The following JOSD1 variants were observed in gnomAD, a reference collection of about 807,000 sequenced individuals.
JOSD1 encodes the protein Josephin domain containing 1.
In JOSD1, 11 loss-of-function variants were observed where a neutral mutation model predicts 24.3. The observed-to-expected ratio is 0.45, with a 90% CI of 0.29 to 0.75. The LOEUF (loss-of-function observed/expected upper bound fraction) is 0.75, where lower values mean the gene tolerates loss of function less well. Ranked by LOEUF, JOSD1 falls within the 30% of genes least tolerant of loss-of-function variation. The probability of loss-of-function intolerance (pLI) is 0.11; values close to 1 mark genes in which losing one functional copy is unlikely to be tolerated. For missense variants in JOSD1, 184 were observed against 253.5 expected (o/e 0.73, Z 1.86); for synonymous variants, 106 against 93.8 (o/e 1.13, Z -0.75).
rs943157172 is a variant in JOSD1, at chr22:38,700,503, G to A, written c.-516C>T. 5.1e-6 allele frequency: 5 copies of A among 986,212 alleles called. No homozygotes were observed. The highest frequency in any genetic ancestry group is 6.0e-6 in the Non-Finnish European group (5 of 830,466). 61.1% of individuals were successfully genotyped at this position (986,212 alleles called of 1,614,324 possible). A position where few individuals can be genotyped will look rare whatever the true frequency, so the allele number is the denominator to read the frequency against. On this transcript the variant is annotated 5_prime_UTR_variant, in exon 2 of 5. Coordinates refer to ENST00000683374, the MANE Select transcript of JOSD1 (RefSeq NM_001360236.2). ...GTAGCTAGCGCGGGCCGGCAGGCGTGGGACCGCGAGCCGCGCGGGGGCCTC... is the reference window on the plus strand; with the variant it reads ...GTAGCTAGCGCGGGCCGGCAGGCGTAGGACCGCGAGCCGCGCGGGGGCCTC...
At chr22:38,700,640 C>G (rs981218245) in intron 1 of JOSD1, 22 bp from the exon 2 acceptor site, 16 of 984,230 alleles carry the variant, frequency 1.6e-5, no homozygotes, top group Non-Finnish European at 1.9e-5. Flanking sequence ...GAGACAACTC[C>G]GGTCAGCGGC....
In JOSD1 at chr22:38,700,891, G is replaced by GCGGTCCCCTCACCGCAGC. The variant is rs1448233674; in HGVS notation, c.-741_-724dup. 106 of 984,348 alleles carry GCGGTCCCCTCACCGCAGC rather than the reference G, an allele frequency of 1.1e-4. No individual in the cohort carries two copies. The highest frequency in any genetic ancestry group is 1.3e-4 in the Non-Finnish European group (104 of 829,636). 61.0% of individuals were successfully genotyped at this position (984,348 alleles called of 1,614,324 possible). The stretch of plus-strand genomic sequence containing the variant: ...GGGCCGCCGGGACTGCTCGCCGCTG[G>GCGGTCCCCTCACCGCAGC]CGGTCCCCTCACCGCAGCCGGCCGC... On this transcript the variant is annotated 5_prime_UTR_variant, in exon 1 of 5. Coordinates refer to ENST00000683374, the MANE Select transcript of JOSD1 (RefSeq NM_001360236.2).
intron 2 of JOSD1, among the ~76,000 whole-genome samples, chr22:38,699,087 T>C (rs147638489): frequency 1.3e-5 from 2 of 152,332 alleles, no homozygotes; most frequent in East Asian, 1.9e-4. Context: ...GCATTTGTTC[T>C]AAGTGGGTAA....
chr22:38,694,225 C>A (rs1377647458), intron 2 of JOSD1, among the ~76,000 whole-genome samples: 1 of 152,222 alleles, frequency 6.6e-6, no homozygotes, highest in Non-Finnish European at 1.5e-5. Context: ...CTTTTATGGG[C>A]TTTATCACTT....
chr22:38,701,055 C>G, upstream of JOSD1: 1 of 896,336 alleles, frequency 1.1e-6, no homozygotes, highest in Non-Finnish European at 1.3e-6. Context: ...TGGCGTCACG[C>G]CTGACGTAAG....
intron 2 of JOSD1, among the ~76,000 whole-genome samples, chr22:38,694,978 A>T (rs1328197559): frequency 6.6e-6 from 1 of 151,788 alleles, no homozygotes; most frequent in Non-Finnish European, 1.5e-5. Flanking sequence ...GTGTCTGACT[A>T]TGGTGATGAT....
At chr22:38,691,555 A>C (rs1444709416) in intron 2 of JOSD1, among the ~76,000 whole-genome samples, 2 of 152,152 alleles carry the variant, frequency 1.3e-5, no homozygotes, top group Admixed American at 1.3e-4. Flanking sequence ...TTCCCTAAAA[A>C]CAAAGCTCTT....
Position 38,700,059 on chromosome 22 carries a change from C to G in JOSD1, c.-72G>C, listed in dbSNP as rs1219843389. ...CCCTCTAGAGGAAGAATGTAAGCTT[C>G]TCAGTCTTTTCCGGATTCCTGAGGT... On this transcript the variant is annotated 5_prime_UTR_variant, in exon 2 of 5. Transcript: ENST00000683374. 1 of 1,508,924 alleles carries G rather than the reference C, an allele frequency of 6.6e-7. No individual in the cohort carries two copies. Among genetic ancestry groups the G allele is most frequent in the Non-Finnish European group, 8.8e-7 (1 of 1,131,950 alleles). 93.5% of individuals were successfully genotyped at this position (1,508,924 alleles called of 1,614,324 possible). A position where few individuals can be genotyped will look rare whatever the true frequency, so the allele number is the denominator to read the frequency against.
rs989011267 is a variant in JOSD1, at chr22:38,686,793, A to G, written c.*1109T>C. Reference sequence around the variant, plus strand: ...CCCAACGCTGCCCCAAATTAGTGGAATTTGATGTCAAAAGCAGACTTTTTT... The same window carrying G: ...CCCAACGCTGCCCCAAATTAGTGGAGTTTGATGTCAAAAGCAGACTTTTTT... On this transcript the variant is annotated 3_prime_UTR_variant, in exon 5 of 5. Coordinates refer to ENST00000683374, the MANE Select transcript of JOSD1 (RefSeq NM_001360236.2). The G allele has an allele frequency of 6.6e-6, 1 of 152,190 alleles. No homozygotes were observed. The highest frequency in any genetic ancestry group is 6.5e-5 in the Admixed American group (1 of 15,276). 9.4% of individuals were successfully genotyped at this position (152,190 alleles called of 1,614,324 possible).
chr22:38,690,693 C>A (rs2092518044), intron 2 of JOSD1, among the ~76,000 whole-genome samples: 2 of 152,120 alleles, frequency 1.3e-5, no homozygotes, highest in African/African-American at 4.8e-5. Context: ...GTGTGAGCCA[C>A]TGAACTCAGC....
rs577660086 is a variant in JOSD1 at position 38,685,555 on chromosome 22, A to C, written c.*2347T>G. The C allele has an allele frequency of 6.6e-6, 1 of 152,404 alleles. No homozygotes were observed. The highest frequency in any genetic ancestry group is 6.5e-5 in the Admixed American group (1 of 15,304). 9.4% of individuals were successfully genotyped at this position (152,404 alleles called of 1,614,324 possible). ...GCTGGCAATGAACTCCTTTTAAAAC[A>C]GCGTCATACTAAAGTTTATTTTTCT... On this transcript the variant is annotated 3_prime_UTR_variant, in exon 5 of 5. Transcript: ENST00000683374.
At chr22:38,696,683 T>C (rs558255978) in intron 2 of JOSD1, among the ~76,000 whole-genome samples, 1 of 152,334 alleles carries the variant, frequency 6.6e-6, no homozygotes, top group East Asian at 1.9e-4. Context: ...TTTGCAGATG[T>C]TACCACTATG....
chr22:38,694,285 T>C (rs367710486), intron 2 of JOSD1, among the ~76,000 whole-genome samples: 1 of 152,184 alleles, frequency 6.6e-6, no homozygotes, highest in Non-Finnish European at 1.5e-5. Flanking sequence ...GCAAAGGTTA[T>C]GGTGACTTGC....
intron 2 of JOSD1, among the ~76,000 whole-genome samples, chr22:38,697,255 T>C (rs958113354): frequency 7.2e-5 from 11 of 152,252 alleles, no homozygotes; most frequent in Non-Finnish European, 1.5e-4. Context: ...CACACTTCTG[T>C]ATTTTTTGTT....
At position 38,699,824 on chromosome 22, in the gene JOSD1, G is replaced by T; in HGVS notation, c.164C>A (p.Thr55Lys). The T allele has an allele frequency of 1.2e-6, 2 of 1,614,154 alleles. No homozygotes were observed. The highest frequency in any genetic ancestry group is 1.7e-6 in the Non-Finnish European group (2 of 1,180,006). ...FQDSNAFTRD[T>K]LQEIFQRLSP... is the part of the protein sequence containing the mutation. ...CTACCTCTGGAAAATCTCTTGCAGC[G>T]TATCCCGGGTGAAGGCATTGCTGTC... Residue 55 changes from threonine (T) to lysine (K), a missense_variant, in exon 2 of 5, where the codon ACG (threonine) becomes AAG (lysine). Transcript: ENST00000683374.
intron 2 of JOSD1, among the ~76,000 whole-genome samples, chr22:38,696,359 T>C (rs921410079): frequency 2.6e-5 from 4 of 152,024 alleles, no homozygotes; most frequent in African/African-American, 9.7e-5. Context: ...TGCCTCAGTT[T>C]CCCGAGTAGC....
At position 38,700,842 on chromosome 22, in the gene JOSD1, C is replaced by T; in HGVS notation, c.-674G>A. On this transcript the variant is annotated 5_prime_UTR_variant, in exon 1 of 5. Coordinates refer to ENST00000683374, the MANE Select transcript of JOSD1 (RefSeq NM_001360236.2). The stretch of plus-strand genomic sequence containing the variant: ...GAGCGCAGGCCCAGACGCCCTCCCG[C>T]CGCGCCCCCGGCCGCAGACCCCAGG... 2 of 984,678 alleles carry T rather than the reference C, an allele frequency of 2.0e-6. No individual in the cohort carries two copies. Among genetic ancestry groups the T allele is most frequent in the African/African-American group, 3.5e-5 (2 of 57,256 alleles). 61.0% of individuals were successfully genotyped at this position (984,678 alleles called of 1,614,324 possible).
intron 2 of JOSD1, among the ~76,000 whole-genome samples, chr22:38,693,194 CA>C (rs1048671806): frequency 1.3e-5 from 2 of 152,142 alleles, no homozygotes; most frequent in Non-Finnish European, 2.9e-5. Flanking sequence ...CTTCAGTTCC[CA>C]AACAAATTTG....
chr22:38,690,410 C>CT (rs927925551), intron 2 of JOSD1, among the ~76,000 whole-genome samples: 20 of 148,718 alleles, frequency 1.3e-4, no homozygotes, highest in South Asian at 1.3e-3. Context: ...TTTTTTCTTT[C>CT]TTTTTTTTTT....
Sources: gnomAD v4.1 joint callset for allele counts (sites outside exome capture counted in the v4.1 genomes callset) on GRCh38, gnomAD v4.1.1 for gene constraint, MANE v1.5 for transcripts, NCBI Gene and HGNC (gene_info 2026-07-23, HGNC 2026-07-21) for gene names.